DDX60: variants seen among roughly 807,000 people sequenced by gnomAD.
DDX60 encodes the protein DExD/H-box helicase 60, also known as probable ATP-dependent RNA helicase DDX60.
In DDX60, 165 loss-of-function variants were observed where a neutral mutation model predicts 212.8. The observed-to-expected ratio is 0.78, with a 90% CI of 0.68 to 0.88. The LOEUF is 0.88. Among genes scored for constraint, DDX60 ranks in the 40% least tolerant of loss-of-function variants. The pLI, the probability that DDX60 is intolerant of heterozygous loss-of-function variation, is 0.00. For missense variants in DDX60, 1,905 were observed against 2,003.9 expected (o/e 0.95, Z 0.94); for synonymous variants, 703 against 685.3 (o/e 1.03, Z -0.40).
chr4:168,297,298 G>GA (rs1736399963), intron 6 of DDX60, among the ~76,000 whole-genome samples: 19 of 4,078 alleles, frequency 4.7e-3, no homozygotes, highest in African/African-American at 0.035. Flanking sequence ...AGAGAGAGAC[G>GA]AAAGAAAGAA....
chr4:168,294,309 A>G (rs1736246371), intron 6 of DDX60, among the ~76,000 whole-genome samples: 1 of 152,156 alleles, frequency 6.6e-6, no homozygotes, highest in Non-Finnish European at 1.5e-5. Flanking sequence ...TAAAACTACT[A>G]GAAGAAAACA....
intron 10 of DDX60, 48 bp from the exon 11 acceptor site, chr4:168,285,546 T>C: frequency 8.7e-7 from 1 of 1,143,370 alleles, no homozygotes. Context: ...TGTAAAGCTT[T>C]CAGACAGGAA....
rs540513974 is a variant in DDX60 at position 168,242,481 on chromosome 4, A to G, written c.4164+3937T>C. Among the ~76,000 whole-genome samples the G allele has an allele frequency of 1.2e-4, 18 of 152,344 alleles. No individual in the cohort carries two copies. In the South Asian group the frequency reaches 2.1e-3, roughly 18 times the overall value. Reference sequence around the variant, plus strand: ...GCCATGGGAGCCCACCTCTTGCATCAGTGTGACCTGGATGTGAGACATGGA... The same window carrying G: ...GCCATGGGAGCCCACCTCTTGCATCGGTGTGACCTGGATGTGAGACATGGA... On this transcript the variant is annotated intron_variant, in intron 30 of 37. Transcript: ENST00000393743.
chr4:168,239,785 A>C (rs1733774102), intron 30 of DDX60, among the ~76,000 whole-genome samples: 1 of 152,120 alleles, frequency 6.6e-6, no homozygotes, highest in African/African-American at 2.4e-5. Context: ...TGAGTTTTAC[A>C]AGCTGGTAAG....
In DDX60 at chr4:168,265,837, GA is replaced by G. The variant is rs1285998615; in HGVS notation, c.3039+1744del. Among the ~76,000 whole-genome samples, 8 of 1,260 alleles carry G rather than the reference GA, an allele frequency of 6.3e-3. No individual in the cohort carries two copies. In the South Asian group the frequency reaches 0.1, roughly 16 times the overall value. 0.8% of individuals were successfully genotyped at this position (1,260 alleles called of 152,430 possible). A position where few individuals can be genotyped will look rare whatever the true frequency, so the allele number is the denominator to read the frequency against. On this transcript the variant is annotated intron_variant, in intron 22 of 37. Transcript: ENST00000393743. ...GGAGGGAAGGAGGGAAGGAGGGAAG[GA>G]AGGGAAGGGAAGGGAAGGGAAGGGA...
At chr4:168,260,805 C>T (rs1734594172) in intron 25 of DDX60, 60 bp downstream of exon 25, 1 of 1,476,352 alleles carries the variant, frequency 6.8e-7, no homozygotes, top group Non-Finnish European at 9.3e-7. Flanking sequence ...GGGACCTCTG[C>T]CTTAAAGGAA....
upstream of DDX60, among the ~76,000 whole-genome samples, chr4:168,321,369 T>C (rs549839876): frequency 6.6e-6 from 1 of 152,204 alleles, no homozygotes; most frequent in East Asian, 1.9e-4. Flanking sequence ...CCTACTGACT[T>C]TCCTCTACAC....
chr4:168,261,977 G>A, intron 24 of DDX60, 23 bp downstream of exon 24: 1 of 1,572,222 alleles, frequency 6.4e-7, no homozygotes, highest in East Asian at 2.4e-5. Context: ...ATAAAGTTTG[G>A]CCAAAAAGCG....
In DDX60 at chr4:168,251,052, T is replaced by C. The variant is rs777090149; in HGVS notation, c.3760A>G (p.Lys1254Glu). 6.2e-7 allele frequency: 1 copy of C among 1,613,714 alleles called. No individual in the cohort carries two copies. Among genetic ancestry groups the C allele is most frequent in the Non-Finnish European group, 8.5e-7 (1 of 1,179,838 alleles). Residue 1254 changes from lysine to glutamate, a missense_variant, in exon 28 of 38, where the codon AAA (lysine) becomes GAA (glutamate). Coordinates refer to ENST00000393743, the MANE Select transcript of DDX60 (RefSeq NM_017631.6). ...VKFERKGEEL[K>E]ALAERGIGYH... ...CCAATACCCCTTTCTGCCAAGGCTT[T>C]CAATTCTTCACCTTTTCTTTCAAAT...
At chr4:168,325,140 G>A in the DDX60 span, among the ~76,000 whole-genome samples, 1 of 152,152 alleles carries the variant, frequency 6.6e-6, no homozygotes, top group Non-Finnish European at 1.5e-5. Context: ...TTTGTGAGGA[G>A]CCATTCATTC....
At chr4:168,300,691 C>T (rs1206185374) in intron 6 of DDX60, among the ~76,000 whole-genome samples, 1 of 151,308 alleles carries the variant, frequency 6.6e-6, no homozygotes, top group Non-Finnish European at 1.5e-5. Flanking sequence ...TGGGAGGGAC[C>T]AAGATGAAAT....
At chr4:168,291,932 C>A in intron 7 of DDX60, 26 bp from the exon 8 acceptor site, 1 of 1,576,148 alleles carries the variant, frequency 6.3e-7, no homozygotes, top group Non-Finnish European at 8.6e-7. Flanking sequence ...AAGGTATAAG[C>A]CAGAGAACAG....
At chr4:168,290,070 T>G (rs1736020823) in intron 8 of DDX60, among the ~76,000 whole-genome samples, 1 of 152,224 alleles carries the variant, frequency 6.6e-6, no homozygotes, top group Admixed American at 6.5e-5. Flanking sequence ...CTGTATTTTC[T>G]TAACAGGGCC....
intron 12 of DDX60, among the ~76,000 whole-genome samples, chr4:168,284,210 T>C (rs556795102): frequency 1.3e-5 from 2 of 152,150 alleles, no homozygotes; most frequent in South Asian, 4.1e-4. Flanking sequence ...ATCTAAAGTA[T>C]CCCCCCACAC....
intron 2 of DDX60, 23 bp from the exon 3 acceptor site, chr4:168,311,090 A>T: frequency 6.7e-7 from 1 of 1,487,300 alleles, no homozygotes; most frequent in Non-Finnish European, 9.3e-7. Flanking sequence ...AAAAAGAGAG[A>T]AAGAGAATGG....
chr4:168,242,213 A>C (rs1400445207), intron 30 of DDX60, among the ~76,000 whole-genome samples: 4 of 152,102 alleles, frequency 2.6e-5, no homozygotes, highest in African/African-American at 9.7e-5. Context: ...CTCATGGAGA[A>C]CCTCTGCTAG....
Position 168,280,709 on chromosome 4 carries a change from A to G in DDX60, c.1723-119T>C, listed in dbSNP as rs569868953. ...CTTTGACCATCATCCCATTTTGAGT[A>G]GATGTGAAAAATTTCTTTTTTTCTT... is the stretch of plus-strand genomic sequence containing the variant. On this transcript the variant is annotated intron_variant, in intron 13 of 37. Transcript: ENST00000393743. The G allele has an allele frequency of 6.9e-6, 8 of 1,154,650 alleles. No individual in the cohort carries two copies. In the African/African-American group the frequency reaches 7.8e-5, roughly 11 times the overall value. The allele number at this position is 1,154,650 out of a possible 1,614,324, so 71.5% of individuals were successfully genotyped here.
At chr4:168,227,385 G>A (rs552147122) in intron 33 of DDX60, among the ~76,000 whole-genome samples, 17 of 152,028 alleles carry the variant, frequency 1.1e-4, no homozygotes, top group African/African-American at 3.6e-4. Context: ...TGCTCTTTGC[G>A]ATGTCTAAAA....
At chr4:168,297,580 G>C (rs1042319951) in intron 6 of DDX60, among the ~76,000 whole-genome samples, 2 of 152,098 alleles carry the variant, frequency 1.3e-5, no homozygotes, top group African/African-American at 4.8e-5. Context: ...AAAAATAATA[G>C]TGGAAATGAA....
Sources: gnomAD v4.1 joint callset for allele counts (sites outside exome capture counted in the v4.1 genomes callset) on GRCh38, gnomAD v4.1.1 for gene constraint, MANE v1.5 for transcripts, NCBI Gene and HGNC (gene_info 2026-07-23, HGNC 2026-07-21) for gene names.